Variants in LCLAT1 observed in about 807,000 individuals in gnomAD.
LCLAT1 encodes 1-AGP acyltransferase 8.
A neutral mutation model predicts 30.7 loss-of-function variants in LCLAT1; 11 were observed. The ratio of observed to expected loss-of-function variants is 0.36; its 90% confidence interval spans 0.23 to 0.59. The LOEUF (loss-of-function observed/expected upper bound fraction) is 0.59, where lower values mean the gene tolerates loss of function less well. LCLAT1 is among the 20% of genes least tolerant of loss of function. The pLI is 0.77. For synonymous variants in LCLAT1, 155 were observed against 151.3 expected, an observed-to-expected ratio of 1.02 and a Z score of -0.18; for missense variants, 402 against 458.6, an observed-to-expected ratio of 0.88 and a Z score of 1.13.
chr2:30,531,629 A>G (rs1355893822), intron 2 of LCLAT1, among the ~76,000 whole-genome samples: 1 of 152,186 alleles, frequency 6.6e-6, no homozygotes, highest in Non-Finnish European at 1.5e-5. Context: ...CCTATGGGAT[A>G]TCTGTAGCTA....
At position 30,558,097 on chromosome 2, in the gene LCLAT1, C is replaced by T. The variant is rs1211734791; in HGVS notation, c.365-4049C>T. On this transcript the variant is annotated intron_variant, in intron 3 of 5. Transcript: ENST00000379509. ...AATGAGTTTGGGATAGGCAGAGATTCCTTAAGCGGGACACAGAAAACACAA... is the reference window on the plus strand; with the variant it reads ...AATGAGTTTGGGATAGGCAGAGATTTCTTAAGCGGGACACAGAAAACACAA... Among the ~76,000 whole-genome samples, 5 of 152,022 alleles carry T rather than the reference C, an allele frequency of 3.3e-5. No individual in the cohort carries two copies. In the East Asian group the frequency reaches 7.7e-4, roughly 23 times the overall value.
At chr2:30,502,411 G>A (rs1292417093) in intron 1 of LCLAT1, among the ~76,000 whole-genome samples, 1 of 151,996 alleles carries the variant, frequency 6.6e-6, no homozygotes, top group Non-Finnish European at 1.5e-5. Context: ...CATTTAAACT[G>A]TACAGGTCAA....
intron 1 of LCLAT1, among the ~76,000 whole-genome samples, chr2:30,521,491 T>A (rs540857329): frequency 0.039 from 596 of 15,478 alleles, 22 homozygotes; most frequent in African/African-American, 0.17. Flanking sequence ...AACTACTTCT[T>A]CTTTTTTTTT....
At position 30,580,266 on chromosome 2, in the gene LCLAT1, A is replaced by T. The variant is rs1030187646; in HGVS notation, c.628+12090A>T. The stretch of plus-strand genomic sequence containing the variant: ...ACTTGCAAATATCAATTTGATCTGA[A>T]TCAAACTTTTCCAGCATAGTTGGCC... On this transcript the variant is annotated intron_variant, in intron 5 of 5. Transcript: ENST00000379509. Among the ~76,000 whole-genome samples, 20 of 152,184 alleles carry T rather than the reference A, an allele frequency of 1.3e-4. 1 individual carries two copies. Among genetic ancestry groups the T allele is most frequent in the African/African-American group, 4.8e-4 (20 of 41,450 alleles).
intron 5 of LCLAT1, among the ~76,000 whole-genome samples, chr2:30,628,711 A>ATATAGAGTGATATATAT (rs1668629953): frequency 2.6e-5 from 4 of 152,202 alleles, no homozygotes; most frequent in Non-Finnish European, 4.4e-5. Flanking sequence ...GTATTTCAGT[A>ATATAGAGTGATATATAT]CAAGGAGAAA....
At chr2:30,599,639 T>G (rs1304755661) in intron 5 of LCLAT1, among the ~76,000 whole-genome samples, 1 of 152,128 alleles carries the variant, frequency 6.6e-6, no homozygotes, top group Non-Finnish European at 1.5e-5. Flanking sequence ...GCTCCTGTAT[T>G]GAGTGCATAT....
At chr2:30,484,923 G>A (rs977765566) in intron 1 of LCLAT1, among the ~76,000 whole-genome samples, 3 of 152,112 alleles carry the variant, frequency 2.0e-5, no homozygotes, top group Admixed American at 2.0e-4. Flanking sequence ...GTTATGGTAT[G>A]CTATGGTATG....
intron 1 of LCLAT1, among the ~76,000 whole-genome samples, chr2:30,451,642 A>G (rs1173030140): frequency 8.3e-6 from 1 of 121,138 alleles, no homozygotes; most frequent in Non-Finnish European, 1.9e-5. Flanking sequence ...CCAGTTGTAC[A>G]TCAGCAGTAG....
chr2:30,534,645 G>A (rs1469962780), intron 3 of LCLAT1, among the ~76,000 whole-genome samples: 1 of 152,154 alleles, frequency 6.6e-6, no homozygotes, highest in African/African-American at 2.4e-5. Flanking sequence ...CCAATATAGT[G>A]ATCTCAGATT....
At chr2:30,524,945 C>A (rs1415368799) in intron 1 of LCLAT1, among the ~76,000 whole-genome samples, 1 of 151,514 alleles carries the variant, frequency 6.6e-6, no homozygotes, top group African/African-American at 2.4e-5. Flanking sequence ...AGTTTTTAGT[C>A]AATTGCTTCT....
At chr2:30,471,612 G>A (rs1682799047) in intron 1 of LCLAT1, among the ~76,000 whole-genome samples, 1 of 152,078 alleles carries the variant, frequency 6.6e-6, no homozygotes, top group Non-Finnish European at 1.5e-5. Context: ...TTACCTCCTT[G>A]GTTAAATTTA....
chr2:30,484,437 G>T (rs982699041), intron 1 of LCLAT1, among the ~76,000 whole-genome samples: 1 of 152,060 alleles, frequency 6.6e-6, no homozygotes, highest in African/African-American at 2.4e-5. Context: ...GTATTAACTC[G>T]TTGTACCATG....
At chr2:30,569,114 T>A (rs1329865622) in intron 5 of LCLAT1, among the ~76,000 whole-genome samples, 1 of 152,156 alleles carries the variant, frequency 6.6e-6, no homozygotes, top group African/African-American at 2.4e-5. Context: ...GGTAAGTACA[T>A]TTTCACAGGT....
intron 5 of LCLAT1, among the ~76,000 whole-genome samples, chr2:30,633,640 A>G: frequency 6.6e-6 from 1 of 152,162 alleles, no homozygotes; most frequent in East Asian, 1.9e-4. Context: ...AGCCGAGGTC[A>G]CGCCACTGCA....
At chr2:30,615,354 A>G (rs569832885) in intron 5 of LCLAT1, among the ~76,000 whole-genome samples, 28 of 152,266 alleles carry the variant, frequency 1.8e-4, no homozygotes, top group African/African-American at 6.7e-4. Context: ...ATAGGGTGGT[A>G]CGAGTTGTGC....
chr2:30,616,377 G>T (rs568465266), intron 5 of LCLAT1, among the ~76,000 whole-genome samples: 1 of 152,248 alleles, frequency 6.6e-6, no homozygotes, highest in East Asian at 1.9e-4. Flanking sequence ...TTTTACAGGA[G>T]GAATTGAAGG....
At chr2:30,611,053 C>A (rs1206118314) in intron 5 of LCLAT1, among the ~76,000 whole-genome samples, 2 of 147,756 alleles carry the variant, frequency 1.4e-5, no homozygotes, top group Non-Finnish European at 3.0e-5. Context: ...TTGTTAAATT[C>A]TGGCTTCACC....
intron 5 of LCLAT1, among the ~76,000 whole-genome samples, chr2:30,589,650 T>C (rs1490828239): frequency 2.0e-5 from 3 of 152,218 alleles, no homozygotes; most frequent in Non-Finnish European, 4.4e-5. Flanking sequence ...GTGAACTGAA[T>C]GTACTTAGTA....
chr2:30,564,827 T>C (rs534517931), intron 4 of LCLAT1, among the ~76,000 whole-genome samples: 20 of 152,310 alleles, frequency 1.3e-4, no homozygotes, highest in African/African-American at 4.8e-4. Flanking sequence ...CATGTACATT[T>C]AAATTAGTGC....
Sources: allele counts gnomAD v4.1 joint callset (sites outside exome capture counted in the v4.1 genomes callset), GRCh38; gene constraint gnomAD v4.1.1; transcripts MANE v1.5; gene names NCBI Gene and HGNC (gene_info 2026-07-23, HGNC 2026-07-21).